The following PLCB1 variants were observed in gnomAD, a reference collection of about 807,000 sequenced individuals.
PLCB1 encodes phospholipase C beta 1.
In PLCB1, 46 loss-of-function variants were observed where a neutral mutation model predicts 161.8. The ratio of observed to expected loss-of-function variants is 0.28; its 90% confidence interval spans 0.22 to 0.36. The LOEUF is 0.36. PLCB1 is among the 10% of genes least tolerant of loss of function. The pLI is 1.00. For missense variants in PLCB1, 1,016 were observed against 1,472.5 expected (o/e 0.69, Z 5.07); for synonymous variants, 517 against 503.7 (o/e 1.03, Z -0.35).
chr20:8,185,059 G>A (rs1416294317), intron 2 of PLCB1, among the ~76,000 whole-genome samples: 3 of 151,848 alleles, frequency 2.0e-5, no homozygotes, highest in Non-Finnish European at 4.4e-5. Context: ...TTCTGTTCCT[G>A]TGTAAGTTTG....
At chr20:8,636,438 G>T (rs183714092) in intron 4 of PLCB1, among the ~76,000 whole-genome samples, 1 of 152,266 alleles carries the variant, frequency 6.6e-6, no homozygotes, top group Non-Finnish European at 1.5e-5. Context: ...TGCACATTTT[G>T]GATATGTGTC....
intron 31 of PLCB1, among the ~76,000 whole-genome samples, chr20:8,790,823 A>T (rs545605980): frequency 1.3e-5 from 2 of 152,326 alleles, no homozygotes; most frequent in South Asian, 4.1e-4. Flanking sequence ...TATGAATATT[A>T]ACTTTGAATG....
At chr20:8,335,726 T>C (rs1985548671) in intron 2 of PLCB1, among the ~76,000 whole-genome samples, 1 of 152,250 alleles carries the variant, frequency 6.6e-6, no homozygotes, top group Non-Finnish European at 1.5e-5. Flanking sequence ...ATTAATGCCA[T>C]TACAAGGCAA....
At position 8,536,295 on chromosome 20, in the gene PLCB1, A is replaced by G. The variant is rs183220943; in HGVS notation, c.247-91999A>G. 5.1e-4 allele frequency among the ~76,000 whole-genome samples: 77 copies of G among 152,298 alleles called. 3 individuals are homozygous for G. The East Asian group carries it at 0.012, about 24-fold the overall frequency. ...AGAAGAAAAAAAAATTTGGAAAAAAACCACCATGTTAGGCGCCGGATGAGT... is the reference window on the plus strand; with the variant it reads ...AGAAGAAAAAAAAATTTGGAAAAAAGCCACCATGTTAGGCGCCGGATGAGT... On this transcript the variant is annotated intron_variant, in intron 3 of 31. Transcript: ENST00000338037.
chr20:8,181,004 T>C (rs966616271), intron 2 of PLCB1, among the ~76,000 whole-genome samples: 1 of 151,132 alleles, frequency 6.6e-6, no homozygotes, highest in African/African-American at 2.4e-5. Context: ...AAGAAGAATA[T>C]GATTGGGAGG....
intron 31 of PLCB1, among the ~76,000 whole-genome samples, chr20:8,821,574 A>C (rs1264976302): frequency 1.4e-5 from 2 of 138,684 alleles, no homozygotes; most frequent in African/African-American, 5.3e-5. Flanking sequence ...TGACACTTTT[A>C]AAAATGGAGG....
At chr20:8,316,857 G>A (rs938157756) in intron 2 of PLCB1, among the ~76,000 whole-genome samples, 15 of 152,020 alleles carry the variant, frequency 9.9e-5, no homozygotes, top group African/African-American at 2.9e-4. Flanking sequence ...TAGGACTCTT[G>A]TTTTATCCCC....
intron 7 of PLCB1, chr20:8,651,414 T>A: frequency 1.4e-6 from 1 of 721,220 alleles, no homozygotes; most frequent in Non-Finnish European, 2.6e-6. Context: ...CTTCTATAGG[T>A]GGAAAAAGCT....
intron 3 of PLCB1, among the ~76,000 whole-genome samples, chr20:8,432,141 C>G (rs147141399): frequency 6.6e-6 from 1 of 152,108 alleles, no homozygotes; most frequent in African/African-American, 2.4e-5. Flanking sequence ...ATCTGGCTTG[C>G]AGACAATCTG....
rs369865667 is a variant in PLCB1 at position 8,578,917 on chromosome 20, A to T, written c.247-49377A>T. 1.1e-3 allele frequency among the ~76,000 whole-genome samples: 175 copies of T among 152,366 alleles called. 1 individual carries two copies. Among genetic ancestry groups the T allele is most frequent in the African/African-American group, 3.9e-3 (162 of 41,584 alleles). On this transcript the variant is annotated intron_variant, in intron 3 of 31. Coordinates refer to ENST00000338037, the MANE Select transcript of PLCB1 (RefSeq NM_015192.4). ...AATTTCTGATGGCAGTCACATCTTG[A>T]TAGGAATAAATACTGATTCATTACA... is the stretch of plus-strand genomic sequence containing the variant.
At chr20:8,291,602 C>T (rs534308948) in intron 2 of PLCB1, among the ~76,000 whole-genome samples, 2 of 152,166 alleles carry the variant, frequency 1.3e-5, no homozygotes, top group Non-Finnish European at 2.9e-5. Flanking sequence ...TGGAAATGTA[C>T]ATTCAACTTC....
intron 23 of PLCB1, among the ~76,000 whole-genome samples, chr20:8,753,832 C>T (rs997933781): frequency 2.0e-5 from 3 of 152,194 alleles, no homozygotes; most frequent in East Asian, 3.8e-4. Context: ...AGCCACTGCC[C>T]CATTTACAGG....
At chr20:8,287,191 C>A (rs866013212) in intron 2 of PLCB1, among the ~76,000 whole-genome samples, 8 of 151,900 alleles carry the variant, frequency 5.3e-5, no homozygotes, top group Non-Finnish European at 7.4e-5. Context: ...AACAATCTCA[C>A]CTCAGTATAA....
chr20:8,212,808 A>T (rs1164299907), intron 2 of PLCB1, among the ~76,000 whole-genome samples: 1 of 152,146 alleles, frequency 6.6e-6, no homozygotes, highest in East Asian at 1.9e-4. Context: ...ACTCCCAAAG[A>T]ACATTCTACT....
At chr20:8,563,394 C>G (rs1432349901) in intron 3 of PLCB1, among the ~76,000 whole-genome samples, 1 of 152,106 alleles carries the variant, frequency 6.6e-6, no homozygotes, top group Middle Eastern at 3.4e-3. Flanking sequence ...ACCCCATCAT[C>G]TCTCTCCTCC....
chr20:8,611,953 A>C (rs903696734), intron 3 of PLCB1, among the ~76,000 whole-genome samples: 1 of 152,146 alleles, frequency 6.6e-6, no homozygotes, highest in Non-Finnish European at 1.5e-5. Flanking sequence ...CTCTAAAAGG[A>C]TAAATAAAAC....
At chr20:8,607,584 C>A (rs930415593) in intron 3 of PLCB1, among the ~76,000 whole-genome samples, 4 of 152,316 alleles carry the variant, frequency 2.6e-5, no homozygotes, top group Non-Finnish European at 2.9e-5. Context: ...CTTCTCCAGA[C>A]TTTGGTGTAG....
rs1208701865 is a variant in PLCB1, at chr20:8,739,296, A to C, written c.2244A>C (p.Ala748=). ...VLPTLACLRI[A]VYEEGGKFIG... is the part of the protein sequence containing the mutation. The stretch of plus-strand genomic sequence containing the variant: ...CTACTCTGGCCTGTTTGAGAATAGC[A>C]GTTTATGAAGAAGGAGGTAAATTCA... Residue 748 remains alanine, a synonymous_variant, in exon 21 of 32, where the codon GCA becomes GCC. Transcript: ENST00000338037. 1.2e-6 allele frequency: 2 copies of C among 1,613,938 alleles called. No homozygotes were observed. Among genetic ancestry groups the C allele is most frequent in the Admixed American group, 3.3e-5 (2 of 60,030 alleles).
chr20:8,544,736 A>T (rs1245730153), intron 3 of PLCB1, among the ~76,000 whole-genome samples: 2 of 152,222 alleles, frequency 1.3e-5, no homozygotes, highest in African/African-American at 4.8e-5. Flanking sequence ...CCTGATGTGC[A>T]TGTGAAACTG....
Sources: allele counts gnomAD v4.1 joint callset (sites outside exome capture counted in the v4.1 genomes callset), GRCh38; gene constraint gnomAD v4.1.1; transcripts MANE v1.5; gene names NCBI Gene and HGNC (gene_info 2026-07-23, HGNC 2026-07-21).